Variants in TRIO observed in about 807,000 individuals in gnomAD.
TRIO encodes triple functional domain protein.
In TRIO, 58 loss-of-function variants were observed where a neutral mutation model predicts 351.9. The ratio of observed to expected loss-of-function variants is 0.16; its 90% CI spans 0.13 to 0.21. The LOEUF is 0.21. Among genes scored for constraint, TRIO ranks in the 10% least tolerant of loss-of-function variants. The pLI is 1.00. For synonymous variants in TRIO, 1,758 were observed against 1,595.7 expected (o/e 1.10, Z -2.42); for missense variants, 3,201 against 4,027.8 (o/e 0.79, Z 5.56).
chr5:14,145,771 A>C (rs455946), intron 1 of TRIO, among the ~76,000 whole-genome samples: 44,170 of 151,774 alleles, frequency 0.29, 6,648 homozygotes, highest in East Asian at 0.48. Flanking sequence ...TGCTGCTGCT[A>C]AGAGCCCTCC....
At position 14,396,443 on chromosome 5, in the gene TRIO, C is replaced by CTTTTTTTTTTTTTTTTTTTTTTT. The variant is rs1173121592; in HGVS notation, c.4312-578_4312-556dup. ...ATAATAATTAAATATTTCTATTTAT[C>CTTTTTTTTTTTTTTTTTTTTTTT]TTTTTTTTTTTTTTTTTTTTTTTTT... On this transcript the variant is annotated intron_variant, in intron 28 of 56. Transcript: ENST00000344204. 1.4e-4 allele frequency among the ~76,000 whole-genome samples: 6 copies of CTTTTTTTTTTTTTTTTTTTTTTT among 41,518 alleles called. 1 individual carries two copies. Among genetic ancestry groups the CTTTTTTTTTTTTTTTTTTTTTTT allele is most frequent in the Admixed American group, 9.6e-4 (2 of 2,092 alleles). 27.2% of individuals were successfully genotyped at this position (41,518 alleles called of 152,430 possible).
chr5:14,508,551 G>A lies in TRIO; in HGVS notation c.*129G>A. The A allele has an allele frequency of 2.4e-6, 3 of 1,230,924 alleles. No individual in the cohort carries two copies. Among genetic ancestry groups the A allele is most frequent in the East Asian group, 2.4e-5 (1 of 40,844 alleles). The allele number at this position is 1,230,924 out of a possible 1,614,324, so 76.3% of individuals were successfully genotyped here. The stretch of plus-strand genomic sequence containing the variant: ...TTCATCGTGTGAAATTGCATTCCAA[G>A]TGAGCTGTGCTCAGCAGTGCTTGGA... On this transcript the variant is annotated 3_prime_UTR_variant, in exon 57 of 57. Coordinates refer to ENST00000344204, the MANE Select transcript of TRIO (RefSeq NM_007118.4).
chr5:14,446,647 T>C (rs1268150966), intron 34 of TRIO, among the ~76,000 whole-genome samples: 1 of 152,226 alleles, frequency 6.6e-6, no homozygotes. Context: ...CTGTGCGACA[T>C]GTCTTCATCC....
At chr5:14,280,826 A>G (rs1200821757) in intron 3 of TRIO, among the ~76,000 whole-genome samples, 3 of 152,224 alleles carry the variant, frequency 2.0e-5, no homozygotes, top group African/African-American at 7.2e-5. Context: ...TTCTTTAAAA[A>G]TAGTCTGTTG....
At chr5:14,440,421 A>G (rs546705261) in intron 34 of TRIO, among the ~76,000 whole-genome samples, 66 of 152,354 alleles carry the variant, frequency 4.3e-4, no homozygotes, top group Non-Finnish European at 6.3e-4. Context: ...CTCTGAAGCC[A>G]TTGTGTGGTG....
intron 43 of TRIO, among the ~76,000 whole-genome samples, chr5:14,480,328 C>G (rs765023317): frequency 6.6e-6 from 1 of 152,276 alleles, no homozygotes; most frequent in Admixed American, 6.5e-5. Flanking sequence ...TTTAAGAAAA[C>G]ACTTCAAACA....
intron 1 of TRIO, among the ~76,000 whole-genome samples, chr5:14,199,219 A>AG (rs1554031816): frequency 9.5e-5 from 14 of 147,006 alleles, no homozygotes; most frequent in Non-Finnish European, 1.5e-4. Flanking sequence ...AAAAAAAAAA[A>AG]CCTCCCTAAA....
rs984506156 is a variant in TRIO at position 14,266,020 on chromosome 5, CATTG to C, written c.158-4793_158-4790del. 5.3e-5 allele frequency among the ~76,000 whole-genome samples: 8 copies of C among 152,162 alleles called. 1 individual carries two copies. The South Asian group carries it at 1.5e-3, about 28-fold the overall frequency. On this transcript the variant is annotated intron_variant, in intron 1 of 56. Coordinates refer to ENST00000344204, the MANE Select transcript of TRIO (RefSeq NM_007118.4). ...AATATATTTATTTGTTGGTTGAGTTCATTGATTGATTGATTCATTCATTCATCCA... is the reference window on the plus strand; with the variant it reads ...AATATATTTATTTGTTGGTTGAGTTCATTGATTGATTCATTCATTCATCCA...
chr5:14,331,128 T>G (rs1740870998), intron 10 of TRIO, among the ~76,000 whole-genome samples: 1 of 152,364 alleles, frequency 6.6e-6, no homozygotes, highest in Non-Finnish European at 1.5e-5. Flanking sequence ...GAAATGTGAC[T>G]TGGGTGTTTT....
chr5:14,289,877 G>T, intron 4 of TRIO, among the ~76,000 whole-genome samples: 1 of 151,964 alleles, frequency 6.6e-6, no homozygotes, highest in Non-Finnish European at 1.5e-5. Flanking sequence ...TAAATATAAA[G>T]ATTTCTTGCT....
At chr5:14,233,316 TAAAAAAAAA>T (rs35925373) in intron 1 of TRIO, among the ~76,000 whole-genome samples, 8 of 109,238 alleles carry the variant, frequency 7.3e-5, no homozygotes, top group African/African-American at 2.6e-4. Context: ...CCTCGTCTCT[TAAAAAAAAA>T]AAAAAAAAAA....
chr5:14,504,299 C>G, intron 54 of TRIO, 94 bp from the exon 55 acceptor site: 1 of 1,394,640 alleles, frequency 7.2e-7, no homozygotes, highest in East Asian at 2.3e-5. Flanking sequence ...CAGGGCTGGG[C>G]CACCACACAG....
intron 34 of TRIO, among the ~76,000 whole-genome samples, chr5:14,423,771 G>A (rs1750381078): frequency 6.6e-6 from 1 of 152,062 alleles, no homozygotes. Context: ...GGTGGGACAG[G>A]AGTTCATACC....
At chr5:14,233,110 G>T (rs564160532) in intron 1 of TRIO, among the ~76,000 whole-genome samples, 1 of 152,138 alleles carries the variant, frequency 6.6e-6, no homozygotes, top group South Asian at 2.1e-4. Flanking sequence ...GGAAGTCTGG[G>T]ACTCAGCTAT....
At chr5:14,230,761 G>C (rs1793369287) in intron 1 of TRIO, among the ~76,000 whole-genome samples, 1 of 151,968 alleles carries the variant, frequency 6.6e-6, no homozygotes, top group Admixed American at 6.6e-5. Flanking sequence ...TCAAGATATT[G>C]GTGAGTCTTA....
At chr5:14,415,308 C>A (rs1294737935) in intron 33 of TRIO, among the ~76,000 whole-genome samples, 1 of 152,178 alleles carries the variant, frequency 6.6e-6, no homozygotes, top group Admixed American at 6.5e-5. Flanking sequence ...CATCACCCAC[C>A]ACACCAGTCC....
intron 15 of TRIO, among the ~76,000 whole-genome samples, chr5:14,366,448 TC>T (rs1455175370): frequency 6.6e-6 from 1 of 152,078 alleles, no homozygotes; most frequent in African/African-American, 2.4e-5. Flanking sequence ...ATAAATTAGT[TC>T]CCCCTTTTCA....
intron 1 of TRIO, among the ~76,000 whole-genome samples, chr5:14,240,145 T>C (rs1387095196): frequency 6.6e-6 from 1 of 152,182 alleles, no homozygotes; most frequent in Non-Finnish European, 1.5e-5. Context: ...ATAAAAAGAG[T>C]TAAAGGGACT....
intron 7 of TRIO, 132 bp downstream of exon 7, chr5:14,297,395 G>A (rs1459467888): frequency 8.2e-6 from 9 of 1,099,614 alleles, no homozygotes; most frequent in African/African-American, 1.6e-5. Context: ...GAAGTCACTT[G>A]GCCCTGAGTT....
Sources: gnomAD v4.1 joint callset for allele counts (sites outside exome capture counted in the v4.1 genomes callset) on GRCh38, gnomAD v4.1.1 for gene constraint, MANE v1.5 for transcripts, NCBI Gene and HGNC (gene_info 2026-07-23, HGNC 2026-07-21) for gene names.